The following WDR86 variants were observed in gnomAD, a reference collection of about 807,000 sequenced individuals.
WDR86 encodes WD repeat domain 86.
Under a neutral mutation model 36.5 loss-of-function variants are expected in WDR86, and 30 were observed. The observed-to-expected ratio is 0.82, with a 90% CI of 0.61 to 1.11. WDR86 has a LOEUF of 1.11. Ranked by LOEUF, WDR86 falls within the 50% of genes most tolerant of loss-of-function variation. WDR86 has a pLI of 0.00. For synonymous variants in WDR86, 255 were observed against 252.9 expected, an observed-to-expected ratio of 1.01 and a Z score of -0.08; for missense variants, 545 against 561.2, an observed-to-expected ratio of 0.97 and a Z score of 0.29.
In WDR86 at chr7:151,409,640, G is replaced by A; in HGVS notation, c.-51C>T. 1 of 1,321,440 alleles carries A rather than the reference G, an allele frequency of 7.6e-7. No homozygotes were observed. Among genetic ancestry groups the A allele is most frequent in the South Asian group, 2.1e-5 (1 of 47,910 alleles). The allele number at this position is 1,321,440 out of a possible 1,614,324, so 81.9% of individuals were successfully genotyped here. On this transcript the variant is annotated 5_prime_UTR_variant, in exon 1 of 6. Coordinates refer to ENST00000334493, the MANE Select transcript of WDR86 (RefSeq NM_198285.3). This position sits in a 1 kb window ranked among gnomAD's most constrained non-coding sequence, Gnocchi z 5.2. ...AGGAGCTGCGCCCCGCTAGGGAGGG[G>A]CGCCCCGGGGTCCGCGCGGCGGCTC...
At chr7:151,398,257 ATG>A (rs199968688) in intron 2 of WDR86, among the ~76,000 whole-genome samples, 2 of 151,308 alleles carry the variant, frequency 1.3e-5, no homozygotes, top group African/African-American at 2.4e-5. Flanking sequence ...GTGTGTGCAT[ATG>A]TGTGTGTAAG....
downstream of WDR86, among the ~76,000 whole-genome samples, chr7:151,380,240 G>C (rs749377583): frequency 2.0e-5 from 3 of 152,308 alleles, no homozygotes; most frequent in Middle Eastern, 3.4e-3. Context: ...CAGCGCCTGC[G>C]TCCTTTCCTT....
chr7:151,376,920 C>G, downstream of WDR86: 1 of 1,429,918 alleles, frequency 7.0e-7, no homozygotes, highest in Middle Eastern at 1.9e-4. Context: ...CGTCCCCTGA[C>G]GTCACCGGGC....
chr7:151,407,734 A>G (rs12703135), intron 1 of WDR86, among the ~76,000 whole-genome samples: 60,693 of 151,994 alleles, frequency 0.4, 13,642 homozygotes, highest in African/African-American at 0.6. Flanking sequence ...CCAGCTATTC[A>G]GGAGGCCAAG....
chr7:151,400,677 C>T (rs1445110382), intron 1 of WDR86, among the ~76,000 whole-genome samples: 2 of 152,224 alleles, frequency 1.3e-5, no homozygotes, highest in African/African-American at 2.4e-5. Flanking sequence ...GCCACTGCGC[C>T]CAGCCCTCAA....
At position 151,406,656 on chromosome 7, in the gene WDR86, C is replaced by T. The variant is rs577060172; in HGVS notation, c.163+2771G>A. ...AACCCTCTCTGCCATGGACCAGCTG[C>T]GGGACCCTGGACAAGTCCTGCCACC... On this transcript the variant is annotated intron_variant, in intron 1 of 5. Coordinates refer to ENST00000334493, the MANE Select transcript of WDR86 (RefSeq NM_198285.3). The surrounding 1 kb of genome is among the most constrained non-coding windows in gnomAD (Gnocchi z 4.4). Among the ~76,000 whole-genome samples, 181 of 152,276 alleles carry T rather than the reference C, an allele frequency of 1.2e-3. No individual in the cohort carries two copies. The highest frequency in any genetic ancestry group is 3.8e-3 in the African/African-American group (157 of 41,552).
chr7:151,394,339 T>C (rs7801380), intron 3 of WDR86, among the ~76,000 whole-genome samples: 67,207 of 152,024 alleles, frequency 0.44, 17,349 homozygotes, highest in Non-Finnish European at 0.59. Flanking sequence ...CCTCTACCCC[T>C]ACAACCCCAA....
intron 1 of WDR86, among the ~76,000 whole-genome samples, chr7:151,403,781 C>CA (rs1800512093): frequency 6.6e-6 from 1 of 152,210 alleles, no homozygotes; most frequent in Non-Finnish European, 1.5e-5. Flanking sequence ...TGTCAATAAA[C>CA]TTTCCCTGGG....
intron 1 of WDR86, among the ~76,000 whole-genome samples, chr7:151,404,899 G>A (rs1020460311): frequency 6.6e-6 from 1 of 152,192 alleles, no homozygotes; most frequent in African/African-American, 2.4e-5. Flanking sequence ...GTGGGCTGCA[G>A]TGGGCCTGGT....
chr7:151,386,068 G>T (rs905123602), intron 3 of WDR86, among the ~76,000 whole-genome samples: 1 of 152,144 alleles, frequency 6.6e-6, no homozygotes, highest in Non-Finnish European at 1.5e-5. Context: ...GCCCCAGAGA[G>T]GCCTCCTGCC....
rs1444579455 is a variant in WDR86, at chr7:151,388,253, C to T, written c.727-3030G>A. Among the ~76,000 whole-genome samples, 3 of 152,242 alleles carry T rather than the reference C, an allele frequency of 2.0e-5. No individual in the cohort carries two copies. The highest frequency in any genetic ancestry group is 7.2e-5 in the African/African-American group (3 of 41,470). ...AAATCACAATGTTGCTATCTGATTT[C>T]AAAACTGGGTGCATAGGTGTCTGTT... On this transcript the variant is annotated intron_variant, in intron 3 of 5. Transcript: ENST00000334493. The surrounding 1 kb of genome is among the most constrained non-coding windows in gnomAD (Gnocchi z 4.2).
chr7:151,384,829 T>G (rs1468556942), intron 4 of WDR86, among the ~76,000 whole-genome samples: 3 of 152,220 alleles, frequency 2.0e-5, no homozygotes, highest in Non-Finnish European at 2.9e-5. Flanking sequence ...GGGACATGCT[T>G]TTGACCCTAG....
At chr7:151,374,840 C>T (rs2302128), downstream of WDR86, among the ~76,000 whole-genome samples, 62,870 of 152,044 alleles carry the variant, frequency 0.41, 15,098 homozygotes, top group Non-Finnish European at 0.55. Flanking sequence ...TCTGCCCTCT[C>T]GGCCCCGCAG....
downstream of WDR86, chr7:151,374,474 G>A: frequency 1.6e-6 from 1 of 612,378 alleles, no homozygotes; most frequent in Admixed American, 2.7e-5. Context: ...CGTGGTGCCT[G>A]TCCACACCAG....
chr7:151,381,330 A>T lies in WDR86; in HGVS notation c.*252T>A. The T allele has an allele frequency of 2.2e-6, 3 of 1,367,572 alleles. No homozygotes were observed. The highest frequency in any genetic ancestry group is 2.8e-6 in the Non-Finnish European group (3 of 1,067,018). The allele number at this position is 1,367,572 out of a possible 1,614,324, so 84.7% of individuals were successfully genotyped here. A position where few individuals can be genotyped will look rare whatever the true frequency, so the allele number is the denominator to read the frequency against. On this transcript the variant is annotated 3_prime_UTR_variant, in exon 6 of 6. Coordinates refer to ENST00000334493, the MANE Select transcript of WDR86 (RefSeq NM_198285.3). This position sits in a 1 kb window ranked among gnomAD's most constrained non-coding sequence, Gnocchi z 4.8. ...CCAGGACTAGGCCTTTCGCCAGGTC[A>T]GGGATGGGGAGGGAGGACAGGAGCC...
chr7:151,402,110 CAA>C (rs1297308805), intron 1 of WDR86, among the ~76,000 whole-genome samples: 20 of 117,606 alleles, frequency 1.7e-4, no homozygotes, highest in African/African-American at 6.2e-4. Context: ...AATGTCCTTA[CAA>C]GAGAGAGGCC....
downstream of WDR86, chr7:151,377,416 T>C (rs753334894): frequency 2.1e-6 from 1 of 468,106 alleles, no homozygotes; most frequent in Non-Finnish European, 3.8e-6. Flanking sequence ...AGAAGCTTCC[T>C]CTGGCCTGGC....
intron 1 of WDR86, among the ~76,000 whole-genome samples, chr7:151,402,520 G>A (rs1800417256): frequency 6.6e-6 from 1 of 152,200 alleles, no homozygotes; most frequent in African/African-American, 2.4e-5. Flanking sequence ...CGGCTGGCTG[G>A]GGCTCGGGAG....
chr7:151,399,827 G>A (rs773997957), intron 2 of WDR86, among the ~76,000 whole-genome samples: 35 of 152,188 alleles, frequency 2.3e-4, no homozygotes, highest in African/African-American at 7.7e-4. Context: ...TGCACCCAGC[G>A]GGGAGCCACT....
Sources: allele counts gnomAD v4.1 joint callset (sites outside exome capture counted in the v4.1 genomes callset), GRCh38; gene constraint gnomAD v4.1.1; non-coding constraint Gnocchi (gnomAD v3.1); transcripts MANE v1.5; gene names NCBI Gene and HGNC (gene_info 2026-07-23, HGNC 2026-07-21).